The following MIPEP variants were observed in gnomAD, a reference collection of about 807,000 sequenced individuals.
MIPEP encodes mitochondrial intermediate peptidase.
MIPEP carries 79 observed loss-of-function variants against 90.3 expected under a neutral mutation model. That is an observed-to-expected ratio of 0.87 (90% confidence interval 0.73 to 1.05). The LOEUF is 1.05. Among genes scored for constraint, MIPEP ranks in the 50% least tolerant of loss-of-function variants. The pLI is 0.00. For missense variants in MIPEP, 940 were observed against 905.6 expected (o/e 1.04, Z -0.49); for synonymous variants, 334 against 315.8 (o/e 1.06, Z -0.61).
chr13:23,857,698 CA>C (rs1452818968), intron 10 of MIPEP, among the ~76,000 whole-genome samples: 1 of 151,930 alleles, frequency 6.6e-6, no homozygotes, highest in Non-Finnish European at 1.5e-5. Flanking sequence ...AGATGGAGAC[CA>C]AAGAGAGGAA....
At chr13:23,843,600 C>T (rs1190280469) in intron 10 of MIPEP, among the ~76,000 whole-genome samples, 3 of 152,146 alleles carry the variant, frequency 2.0e-5, no homozygotes, top group Admixed American at 2.0e-4. Flanking sequence ...GAATTGCTTA[C>T]AGATGCCATT....
chr13:23,757,113 C>T (rs1952497469), intron 17 of MIPEP, among the ~76,000 whole-genome samples: 1 of 152,048 alleles, frequency 6.6e-6, no homozygotes, highest in Admixed American at 6.5e-5. Context: ...CAGTGGGAGC[C>T]CTGAGCTTGT....
rs1871711611 is a variant in MIPEP at position 23,889,399 on chromosome 13, C to T, written c.-79G>A. 8.3e-7 allele frequency: 1 copy of T among 1,211,602 alleles called. No individual in the cohort carries two copies. The highest frequency in any genetic ancestry group is 1.0e-6 in the Non-Finnish European group (1 of 965,198). 75.1% of individuals were successfully genotyped at this position (1,211,602 alleles called of 1,614,324 possible). A position where few individuals can be genotyped will look rare whatever the true frequency, so the allele number is the denominator to read the frequency against. On this transcript the variant is annotated 5_prime_UTR_variant, in exon 1 of 19. Transcript: ENST00000382172. Reference sequence around the variant, plus strand: ...CGCTGGGAGCGCGCGCTCCGCGTTTCCAAGGCAGCAGCCCACGCCGCCCCA... The same window carrying T: ...CGCTGGGAGCGCGCGCTCCGCGTTTTCAAGGCAGCAGCCCACGCCGCCCCA...
intron 18 of MIPEP, among the ~76,000 whole-genome samples, chr13:23,750,473 G>A (rs2138503481): frequency 6.6e-6 from 1 of 152,290 alleles, no homozygotes; most frequent in Non-Finnish European, 1.5e-5. Context: ...TGGTGTGTCT[G>A]GCATTTTTCT....
chr13:23,773,966 C>T (rs1054949660), intron 16 of MIPEP, among the ~76,000 whole-genome samples: 1 of 152,124 alleles, frequency 6.6e-6, no homozygotes, highest in East Asian at 1.9e-4. Context: ...GTTGTTTATG[C>T]TTTAGGTGAT....
chr13:23,751,919 G>A (rs2025702), intron 18 of MIPEP, among the ~76,000 whole-genome samples: 4,010 of 131,460 alleles, frequency 0.031, 194 homozygotes, highest in African/African-American at 0.096. Flanking sequence ...GATAGGTTGC[G>A]ACATTAAAAA....
chr13:23,764,119 T>C (rs138598687), intron 16 of MIPEP, among the ~76,000 whole-genome samples: 311 of 152,354 alleles, frequency 2.0e-3, no homozygotes, highest in African/African-American at 7.3e-3. Context: ...ATATTTAACG[T>C]GTGGATCTGA....
chr13:23,746,764 G>A (rs1462819544), intron 18 of MIPEP, among the ~76,000 whole-genome samples: 1 of 152,032 alleles, frequency 6.6e-6, no homozygotes, highest in Non-Finnish European at 1.5e-5. Context: ...CCTTTTAGAA[G>A]GTAGTATACA....
At chr13:23,757,460 C>T (rs1283133175) in intron 17 of MIPEP, among the ~76,000 whole-genome samples, 4 of 152,074 alleles carry the variant, frequency 2.6e-5, no homozygotes, top group Non-Finnish European at 4.4e-5. Flanking sequence ...ACATTTTATT[C>T]TCTATAAAAA....
intron 10 of MIPEP, among the ~76,000 whole-genome samples, chr13:23,846,298 T>C (rs1332903241): frequency 1.3e-5 from 2 of 152,140 alleles, no homozygotes; most frequent in African/African-American, 4.8e-5. Flanking sequence ...AATGGGGGAA[T>C]AGCTGCTATT....
At chr13:23,805,622 A>G (rs989043722) in intron 16 of MIPEP, among the ~76,000 whole-genome samples, 1 of 152,204 alleles carries the variant, frequency 6.6e-6, no homozygotes, top group Non-Finnish European at 1.5e-5. Context: ...ATGATTCAGG[A>G]CTGGTAATCA....
At chr13:23,808,851 A>G (rs1424960520) in intron 15 of MIPEP, among the ~76,000 whole-genome samples, 1 of 152,262 alleles carries the variant, frequency 6.6e-6, no homozygotes, top group Non-Finnish European at 1.5e-5. Flanking sequence ...GAAGGTACAG[A>G]AAAACAGAGC....
At chr13:23,832,304 C>T (rs745764167) in intron 14 of MIPEP, among the ~76,000 whole-genome samples, 13 of 152,096 alleles carry the variant, frequency 8.5e-5, no homozygotes, top group Non-Finnish European at 1.8e-4. Flanking sequence ...AGTAGGAAGG[C>T]GCTCATCAGA....
intron 14 of MIPEP, among the ~76,000 whole-genome samples, chr13:23,828,278 C>T (rs1158178049): frequency 1.3e-5 from 2 of 152,228 alleles, no homozygotes; most frequent in Non-Finnish European, 2.9e-5. Context: ...AGGATCAAGG[C>T]AGGAATGCCC....
chr13:23,806,980 C>G (rs1005763958), intron 15 of MIPEP, among the ~76,000 whole-genome samples: 3 of 151,966 alleles, frequency 2.0e-5, no homozygotes, highest in African/African-American at 7.3e-5. Flanking sequence ...ATAGATGTAT[C>G]GAAGAATTCT....
intron 16 of MIPEP, among the ~76,000 whole-genome samples, chr13:23,766,939 G>C (rs1438920290): frequency 6.6e-6 from 1 of 152,196 alleles, no homozygotes; most frequent in African/African-American, 2.4e-5. Flanking sequence ...CATCTCGCTA[G>C]CAAGCTCACT....
In MIPEP at chr13:23,756,316, A is replaced by G. The variant is rs1565982893; in HGVS notation, c.2044+229T>C. On this transcript the variant is annotated intron_variant, in intron 18 of 18. Coordinates refer to ENST00000382172, the MANE Select transcript of MIPEP (RefSeq NM_005932.4). ...ATTACAGGCGTCTGCCACCACGCCC[A>G]GCTATTTTTTGTATTTTTAGTAGAG... 3 of 441,566 alleles carry G rather than the reference A, an allele frequency of 6.8e-6. No homozygotes were observed. The East Asian group carries it at 1.4e-4, about 21-fold the overall frequency. 27.4% of individuals were successfully genotyped at this position (441,566 alleles called of 1,614,324 possible). A position where few individuals can be genotyped will look rare whatever the true frequency, so the allele number is the denominator to read the frequency against.
At chr13:23,835,303 G>C (rs1360360544) in intron 14 of MIPEP, among the ~76,000 whole-genome samples, 1 of 151,854 alleles carries the variant, frequency 6.6e-6, no homozygotes, top group Non-Finnish European at 1.5e-5. Flanking sequence ...TTACAGGCAT[G>C]AGCCACTGTG....
intron 18 of MIPEP, among the ~76,000 whole-genome samples, chr13:23,732,525 T>C (rs190961357): frequency 2.0e-5 from 3 of 152,252 alleles, no homozygotes; most frequent in East Asian, 3.9e-4. Flanking sequence ...TTTCTATCAA[T>C]AGGACATGAA....
Sources: gnomAD v4.1 joint callset for allele counts (sites outside exome capture counted in the v4.1 genomes callset) on GRCh38, gnomAD v4.1.1 for gene constraint, MANE v1.5 for transcripts, NCBI Gene and HGNC (gene_info 2026-07-23, HGNC 2026-07-21) for gene names.